The following FBH1 variants were observed in gnomAD, a reference collection of about 807,000 sequenced individuals.
FBH1 encodes DNA 3'-5' helicase 1.
FBH1 carries 43 observed loss-of-function variants against 115.5 expected under a neutral mutation model. The observed-to-expected ratio is 0.37, with a 90% CI of 0.29 to 0.48. The LOEUF is 0.48. Among genes scored for constraint, FBH1 ranks in the 20% least tolerant of loss-of-function variants. The pLI is 0.99. For missense variants in FBH1, 1,001 were observed against 1,337.3 expected (o/e 0.75, Z 3.92); for synonymous variants, 524 against 507.8 (o/e 1.03, Z -0.43).
Position 5,910,204 on chromosome 10 carries a change from C to A in FBH1, c.1021-734C>A, listed in dbSNP as rs1372508752. ...GGCTGAGACAAGCAAATTGCTTGAA[C>A]CTGGCAAGCAGAGGTTGCGGTGAGC... On this transcript the variant is annotated intron_variant, in intron 5 of 20. Coordinates refer to ENST00000362091, the MANE Select transcript of FBH1 (RefSeq NM_178150.3). The surrounding 1 kb of genome is among the most constrained non-coding windows in gnomAD (Gnocchi z 4.8). Among the ~76,000 whole-genome samples the A allele has an allele frequency of 6.6e-6, 1 of 151,824 alleles. No homozygotes were observed. The highest frequency in any genetic ancestry group is 2.4e-5 in the African/African-American group (1 of 41,316).
In FBH1 at chr10:5,915,273, C is replaced by A; in HGVS notation, c.1397-130C>A. The A allele has an allele frequency of 1.1e-6, 1 of 896,856 alleles. No homozygotes were observed. The highest frequency in any genetic ancestry group is 1.7e-6 in the Non-Finnish European group (1 of 601,662). 55.6% of individuals were successfully genotyped at this position (896,856 alleles called of 1,614,324 possible). ...CTTTTGGTGGCACTACTTTTACCAGCACTGAAAAACTTGTTACTGTCCTGC... is the reference window on the plus strand; with the variant it reads ...CTTTTGGTGGCACTACTTTTACCAGAACTGAAAAACTTGTTACTGTCCTGC... On this transcript the variant is annotated intron_variant, in intron 8 of 20. Transcript: ENST00000362091. This position sits in a 1 kb window ranked among gnomAD's most constrained non-coding sequence, Gnocchi z 5.2.
chr10:5,915,846 A>C lies in FBH1; in HGVS notation c.1565+275A>C. 11 of 500,108 alleles carry C rather than the reference A, an allele frequency of 2.2e-5. No individual in the cohort carries two copies. In the South Asian group the frequency reaches 2.3e-4, roughly 11 times the overall value. The allele number at this position is 500,108 out of a possible 1,614,324, so 31.0% of individuals were successfully genotyped here. A position where few individuals can be genotyped will look rare whatever the true frequency, so the allele number is the denominator to read the frequency against. ...TCAAAATGACTTGCTTAAAGTTCAG[A>C]GTCTCACAAATCCTGATCAGTTGTA... On this transcript the variant is annotated intron_variant, in intron 9 of 20. Transcript: ENST00000362091. This position sits in a 1 kb window ranked among gnomAD's most constrained non-coding sequence, Gnocchi z 5.2.
chr10:5,890,037 A>C (rs1842602114), upstream of FBH1: 1 of 280,444 alleles, frequency 3.6e-6, no homozygotes, highest in Non-Finnish European at 6.7e-6. Flanking sequence ...GGAAGCGCGG[A>C]TGGGGCGTGG....
Position 5,914,859 on chromosome 10 carries a change from C to T in FBH1, c.1397-544C>T, listed in dbSNP as rs1229356702. ...AATACCCTGCTAACAACAACAACAACATTTTGAATGCCTGCAGTGTGCTTG... is the reference window on the plus strand; with the variant it reads ...AATACCCTGCTAACAACAACAACAATATTTTGAATGCCTGCAGTGTGCTTG... On this transcript the variant is annotated intron_variant, in intron 8 of 20. Transcript: ENST00000362091. This position sits in a 1 kb window ranked among gnomAD's most constrained non-coding sequence, Gnocchi z 5.2. 6.6e-6 allele frequency among the ~76,000 whole-genome samples: 1 copy of T among 152,166 alleles called. No individual in the cohort carries two copies. The highest frequency in any genetic ancestry group is 1.5e-5 in the Non-Finnish European group (1 of 68,036).
At chr10:5,912,019 T>A (rs1831622321) in intron 6 of FBH1, among the ~76,000 whole-genome samples, 1 of 151,836 alleles carries the variant, frequency 6.6e-6, no homozygotes, top group African/African-American at 2.4e-5. Context: ...AACACAAGAT[T>A]GTGAAGGATG....
intron 1 of FBH1, among the ~76,000 whole-genome samples, chr10:5,902,288 G>A (rs1843395506): frequency 6.6e-6 from 1 of 151,850 alleles, no homozygotes; most frequent in South Asian, 2.1e-4. Context: ...TTCTAGTTAT[G>A]TGCTTTTCAT....
rs777644261 is a variant in FBH1 at position 5,903,140 on chromosome 10, T to C, written c.122T>C (p.Leu41Pro). The C allele has an allele frequency of 9.9e-6, 16 of 1,613,636 alleles. No individual in the cohort carries two copies. Among genetic ancestry groups the C allele is most frequent in the Non-Finnish European group, 1.2e-5 (14 of 1,179,796 alleles). The change falls in exon 2 of 21, where the codon CTC (leucine) becomes CCC (proline). Residue 41 changes from leucine to proline, a missense_variant. By Grantham distance (98) the Leu-to-Pro change is moderately conservative. Coordinates refer to ENST00000362091, the MANE Select transcript of FBH1 (RefSeq NM_178150.3). ...RWTNRDPNHG[L>P]YPKPRTKRGS... ...ACAAACAGAGATCCGAACCATGGTCTCTATCCTAAACCGAGAACAAAAAGA... is the reference window on the plus strand; with the variant it reads ...ACAAACAGAGATCCGAACCATGGTCCCTATCCTAAACCGAGAACAAAAAGA...
rs375104343 is a variant in FBH1 at position 5,926,613 on chromosome 10, A to G, written c.2723-822A>G. 7.9e-5 allele frequency among the ~76,000 whole-genome samples: 12 copies of G among 152,338 alleles called. No homozygotes were observed. In the East Asian group the frequency reaches 2.3e-3, roughly 29 times the overall value. On this transcript the variant is annotated intron_variant, in intron 18 of 20. Coordinates refer to ENST00000362091, the MANE Select transcript of FBH1 (RefSeq NM_178150.3). ...TCGGCATGCTGAAAATGGAAACCAC[A>G]GTATTTGTGACCATTGGCAAACATA...
intron 1 of FBH1, among the ~76,000 whole-genome samples, chr10:5,893,523 T>C (rs373980950): frequency 1.6e-4 from 24 of 152,366 alleles, no homozygotes; most frequent in African/African-American, 5.3e-4. Flanking sequence ...CCTGCCACTC[T>C]AGTGCATTGT....
chr10:5,924,093 C>G lies in FBH1; in HGVS notation c.2399-218C>G, dbSNP rs141340585. 8.4e-6 allele frequency: 5 copies of G among 593,528 alleles called. No homozygotes were observed. The highest frequency in any genetic ancestry group is 3.0e-5 in the Admixed American group (1 of 33,718). The allele number at this position is 593,528 out of a possible 1,614,324, so 36.8% of individuals were successfully genotyped here. On this transcript the variant is annotated intron_variant, in intron 16 of 20. Coordinates refer to ENST00000362091, the MANE Select transcript of FBH1 (RefSeq NM_178150.3). This position sits in a 1 kb window ranked among gnomAD's most constrained non-coding sequence, Gnocchi z 6.2. ...TGTGAAGTAGGTGAGGATCTTGAGC[C>G]GAGGGCTTTGCTCCTCAGTCGGAGA...
chr10:5,909,958 A>G lies in FBH1; in HGVS notation c.1020+664A>G, dbSNP rs781413004. On this transcript the variant is annotated intron_variant, in intron 5 of 20. Transcript: ENST00000362091. The surrounding 1 kb of genome is among the most constrained non-coding windows in gnomAD (Gnocchi z 4.4). ...ATGGGATGTTCCTTTCTTGGAATGC[A>G]TTCTTTAACACAGAGACGTGTAGTA... Among the ~76,000 whole-genome samples, 11 of 152,170 alleles carry G rather than the reference A, an allele frequency of 7.2e-5. No homozygotes were observed. Among genetic ancestry groups the G allele is most frequent in the African/African-American group, 1.2e-4 (5 of 41,442 alleles).
In FBH1 at chr10:5,897,014, G is replaced by A. The variant is rs1313169173; in HGVS notation, c.2-6006G>A. ...GAATAGAAGGGTGATTAGAATTCTA[G>A]TGTAGTGTTTTGGTTTTATTTTTAA... On this transcript the variant is annotated intron_variant, in intron 1 of 20. Transcript: ENST00000362091. The surrounding 1 kb of genome is among the most constrained non-coding windows in gnomAD (Gnocchi z 4.7). 1.3e-5 allele frequency among the ~76,000 whole-genome samples: 2 copies of A among 152,180 alleles called. No individual in the cohort carries two copies. The highest frequency in any genetic ancestry group is 2.9e-5 in the Non-Finnish European group (2 of 68,038).
At position 5,924,408 on chromosome 10, in the gene FBH1, G is replaced by A. The variant is rs371147700; in HGVS notation, c.2496G>A (p.Glu832=). Residue 832 remains glutamate (E), a synonymous_variant, in exon 17 of 21, where the codon GAG becomes GAA. Coordinates refer to ENST00000362091, the MANE Select transcript of FBH1 (RefSeq NM_178150.3). This position sits in a 1 kb window ranked among gnomAD's most constrained non-coding sequence, Gnocchi z 6.2. ...ATGTGACCGCTGCCGAGGACAAGGAGCTTGAAGCCAAGATCGCAGTTGTTG... is the reference window on the plus strand; with the variant it reads ...ATGTGACCGCTGCCGAGGACAAGGAACTTGAAGCCAAGATCGCAGTTGTTG... The part of the protein sequence containing the change: ...KRYVTAAEDK[E]LEAKIAVVEK... 1.9e-6 allele frequency: 3 copies of A among 1,614,208 alleles called. No individual in the cohort carries two copies. Among genetic ancestry groups the A allele is most frequent in the Non-Finnish European group, 2.5e-6 (3 of 1,180,034 alleles).
rs1280595928 is a variant in FBH1 at position 5,918,035 on chromosome 10, G to C, written c.1964-307G>C. Among the ~76,000 whole-genome samples the C allele has an allele frequency of 3.3e-5, 5 of 152,034 alleles. No individual in the cohort carries two copies. Among genetic ancestry groups the C allele is most frequent in the African/African-American group, 4.8e-5 (2 of 41,388 alleles). On this transcript the variant is annotated intron_variant, in intron 12 of 20. Transcript: ENST00000362091. This position sits in a 1 kb window ranked among gnomAD's most constrained non-coding sequence, Gnocchi z 4.0. ...ACAGTGTTATCCGTCTGACTTTGTA[G>C]GTCAATTTTGAGTGCTATAATATTA... is the stretch of plus-strand genomic sequence containing the variant.
rs374775023 is a variant in FBH1 at position 5,921,457 on chromosome 10, G to A, written c.2210G>A (p.Arg737Lys). The change falls in exon 15 of 21, where the codon AGA (arginine) becomes AAA (lysine). Residue 737 changes from arginine to lysine, a missense_variant. Arg to Lys is a conservative substitution (Grantham distance 26). This residue lies in a region of FBH1 where 521 missense variants were observed against 811.0 expected (regional missense o/e 0.64). Transcript: ENST00000362091. This position sits in a 1 kb window ranked among gnomAD's most constrained non-coding sequence, Gnocchi z 6.4. ...TGCTCTCTCCCTAAAGGTGGCATTA[G>A]AGGTGACGCAAAGGGGCAAGTGGCC... ...LVGGNHQSGI[R>K]GDAKGQVALL... is the part of the protein sequence containing the mutation. 2.5e-6 allele frequency: 4 copies of A among 1,604,714 alleles called. No individual in the cohort carries two copies. The highest frequency in any genetic ancestry group is 3.4e-6 in the Non-Finnish European group (4 of 1,177,340).
At chr10:5,892,470 G>A (rs762800499) in intron 1 of FBH1, among the ~76,000 whole-genome samples, 7 of 152,156 alleles carry the variant, frequency 4.6e-5, no homozygotes, top group Non-Finnish European at 1.0e-4. Flanking sequence ...TTTGGAAACT[G>A]AATTTGGATT....
At position 5,909,447 on chromosome 10, in the gene FBH1, C is replaced by G; in HGVS notation, c.1020+153C>G. 1 of 866,814 alleles carries G rather than the reference C, an allele frequency of 1.2e-6. No individual in the cohort carries two copies. Among genetic ancestry groups the G allele is most frequent in the Admixed American group, 3.1e-5 (1 of 31,816 alleles). 53.7% of individuals were successfully genotyped at this position (866,814 alleles called of 1,614,324 possible). ...TGAAGCATTCATGTTGTCATTGTCC[C>G]CAGTGGAGAAATAAAAGGCCATATA... On this transcript the variant is annotated intron_variant, in intron 5 of 20. Coordinates refer to ENST00000362091, the MANE Select transcript of FBH1 (RefSeq NM_178150.3). This position sits in a 1 kb window ranked among gnomAD's most constrained non-coding sequence, Gnocchi z 4.4.
In FBH1 at chr10:5,910,421, T is replaced by C. The variant is rs1344769998; in HGVS notation, c.1021-517T>C. On this transcript the variant is annotated intron_variant, in intron 5 of 20. Transcript: ENST00000362091. The surrounding 1 kb of genome is among the most constrained non-coding windows in gnomAD (Gnocchi z 4.8). ...AATTTCATATTTATTTAACTTACAA[T>C]GAACAGTTATTACTAATAATAAATA... 6.6e-6 allele frequency among the ~76,000 whole-genome samples: 1 copy of C among 152,220 alleles called. No individual in the cohort carries two copies. Among genetic ancestry groups the C allele is most frequent in the African/African-American group, 2.4e-5 (1 of 41,456 alleles).
chr10:5,937,146 C>T lies in FBH1; in HGVS notation c.2998C>T (p.His1000Tyr). The part of the protein sequence containing the change: ...RKENKGGYLC[H>Y]SCAEQRIGPL... The stretch of plus-strand genomic sequence containing the variant: ...GGAAAACAAGGGGGGCTACCTCTGC[C>T]ACTCCTGTGCGGAGCAGCGCATCGG... The change falls in exon 21 of 21, where the codon CAC becomes TAC. Residue 1000 changes from histidine (H) to tyrosine (Y), a missense_variant. Physicochemically the swap from His to Tyr is moderately conservative, Grantham distance 83 (BLOSUM62 2). This residue lies in a region of FBH1 where 521 missense variants were observed against 811.0 expected (regional missense o/e 0.64). Transcript: ENST00000362091. The T allele has an allele frequency of 1.2e-6, 2 of 1,612,454 alleles. No individual in the cohort carries two copies. Among genetic ancestry groups the T allele is most frequent in the Non-Finnish European group, 1.7e-6 (2 of 1,179,108 alleles).
Sources: gnomAD v4.1 joint callset for allele counts (sites outside exome capture counted in the v4.1 genomes callset) on GRCh38, gnomAD v4.1.1 for gene constraint, gnomAD v4.1.1 regional missense constraint, Gnocchi (gnomAD v3.1) non-coding constraint, MANE v1.5 for transcripts, NCBI Gene and HGNC (gene_info 2026-07-23, HGNC 2026-07-21) for gene names.